The following CNTNAP2 variants were observed in gnomAD, a reference collection of about 807,000 sequenced individuals.
CNTNAP2 encodes contactin associated protein 2, also known as contactin-associated protein-like 2.
A neutral mutation model predicts 155.2 loss-of-function variants in CNTNAP2; 98 were observed. That is an observed-to-expected ratio of 0.63 (90% CI 0.54 to 0.75). The LOEUF is 0.75. Ranked by LOEUF, CNTNAP2 falls within the 30% of genes least tolerant of loss-of-function variation. The probability of loss-of-function intolerance (pLI) is 0.00; values close to 1 mark genes in which losing one functional copy is unlikely to be tolerated. For synonymous variants in CNTNAP2, 651 were observed against 631.2 expected (o/e 1.03, Z -0.47); for missense variants, 1,727 against 1,688.1 (o/e 1.02, Z -0.40).
intron 13 of CNTNAP2, among the ~76,000 whole-genome samples, chr7:147,783,082 C>G (rs1797682694): frequency 6.6e-6 from 1 of 152,090 alleles, no homozygotes; most frequent in East Asian, 1.9e-4. Flanking sequence ...AAGCCTTTTT[C>G]AAATGAAATA....
intron 9 of CNTNAP2, among the ~76,000 whole-genome samples, chr7:147,350,889 T>C (rs1364922412): frequency 6.6e-6 from 1 of 151,892 alleles, no homozygotes; most frequent in Non-Finnish European, 1.5e-5. Context: ...AAATTGACCT[T>C]ATTGACCAAT....
chr7:146,574,530 G>A (rs114221632), intron 1 of CNTNAP2, among the ~76,000 whole-genome samples: 1,625 of 152,156 alleles, frequency 0.011, 23 homozygotes, highest in African/African-American at 0.037. Flanking sequence ...GTGAGACTCC[G>A]TCTCTACTAA....
intron 16 of CNTNAP2, among the ~76,000 whole-genome samples, chr7:148,141,033 C>T (rs75968006): frequency 1.3e-5 from 2 of 152,168 alleles, no homozygotes; most frequent in African/African-American, 2.4e-5. Flanking sequence ...GGACCACTTG[C>T]GTCAGAATCA....
At chr7:147,930,694 G>A (rs1424230746) in intron 14 of CNTNAP2, among the ~76,000 whole-genome samples, 3 of 152,084 alleles carry the variant, frequency 2.0e-5, no homozygotes, top group Non-Finnish European at 4.4e-5. Flanking sequence ...AGACCAAGTG[G>A]ACCTAACGGA....
chr7:146,370,174 C>G (rs1477082462), intron 1 of CNTNAP2, among the ~76,000 whole-genome samples: 1 of 145,326 alleles, frequency 6.9e-6, no homozygotes, highest in Non-Finnish European at 1.5e-5. Flanking sequence ...AATCCCAGCA[C>G]TTTTTGGGAG....
chr7:148,100,932 A>G (rs1349821271), intron 15 of CNTNAP2, among the ~76,000 whole-genome samples: 1 of 152,124 alleles, frequency 6.6e-6, no homozygotes, highest in Non-Finnish European at 1.5e-5. Context: ...CATATACACC[A>G]TGGAATACTA....
intron 1 of CNTNAP2, among the ~76,000 whole-genome samples, chr7:146,386,458 G>A (rs1004703266): frequency 3.3e-5 from 5 of 152,072 alleles, no homozygotes; most frequent in Non-Finnish European, 5.9e-5. Context: ...GCATGATCTT[G>A]GCTCACTGAA....
At chr7:148,141,916 T>C (rs1025651189) in intron 16 of CNTNAP2, among the ~76,000 whole-genome samples, 1 of 152,156 alleles carries the variant, frequency 6.6e-6, no homozygotes, top group African/African-American at 2.4e-5. Flanking sequence ...AAGTCCTATG[T>C]GGTGGAATTA....
chr7:147,426,280 C>G (rs1260494371), intron 10 of CNTNAP2, among the ~76,000 whole-genome samples: 1 of 151,560 alleles, frequency 6.6e-6, no homozygotes, highest in Non-Finnish European at 1.5e-5. Flanking sequence ...TTTTACCTTA[C>G]TCAGTTGTGA....
chr7:147,484,150 C>T (rs1282111240), intron 10 of CNTNAP2, among the ~76,000 whole-genome samples: 2 of 152,148 alleles, frequency 1.3e-5, no homozygotes, highest in Non-Finnish European at 2.9e-5. Context: ...CCCACCTCCA[C>T]TCAAATTTGG....
intron 1 of CNTNAP2, among the ~76,000 whole-genome samples, chr7:146,396,298 C>A (rs2129107336): frequency 6.6e-6 from 1 of 152,088 alleles, no homozygotes; most frequent in East Asian, 1.9e-4. Context: ...AACTTGCATA[C>A]TTCATTTTTC....
chr7:147,938,962 C>T (rs1323453126), intron 14 of CNTNAP2, among the ~76,000 whole-genome samples: 1 of 152,148 alleles, frequency 6.6e-6, no homozygotes, highest in East Asian at 1.9e-4. Context: ...CTTTTATTCA[C>T]AGCTTTCAAT....
At chr7:146,755,439 A>G (rs1801979468) in intron 1 of CNTNAP2, among the ~76,000 whole-genome samples, 1 of 152,034 alleles carries the variant, frequency 6.6e-6, no homozygotes, top group African/African-American at 2.4e-5. Context: ...AAGATATTAG[A>G]AAACTCAAAT....
At chr7:147,734,930 G>A in intron 13 of CNTNAP2, among the ~76,000 whole-genome samples, 1 of 151,326 alleles carries the variant, frequency 6.6e-6, no homozygotes. Context: ...AGTCTTGCTA[G>A]CGGTCTATCA....
intron 1 of CNTNAP2, among the ~76,000 whole-genome samples, chr7:146,265,448 T>C (rs1316707267): frequency 2.2e-5 from 3 of 137,178 alleles, no homozygotes; most frequent in African/African-American, 1.1e-4. Context: ...TCTTTTTTTT[T>C]CTTTCTTTCT....
intron 1 of CNTNAP2, among the ~76,000 whole-genome samples, chr7:146,388,268 A>G (rs934754648): frequency 6.6e-6 from 1 of 151,742 alleles, no homozygotes; most frequent in African/African-American, 2.4e-5. Context: ...CTGTTTCTAC[A>G]AAAAGAAATG....
intron 1 of CNTNAP2, among the ~76,000 whole-genome samples, chr7:146,464,924 C>A (rs1796693497): frequency 6.6e-6 from 1 of 152,078 alleles, no homozygotes; most frequent in Non-Finnish European, 1.5e-5. Flanking sequence ...GTGCTTGGAC[C>A]CCATCAACTT....
At chr7:146,493,420 GA>G (rs1474558059) in intron 1 of CNTNAP2, among the ~76,000 whole-genome samples, 1 of 152,014 alleles carries the variant, frequency 6.6e-6, no homozygotes, top group Non-Finnish European at 1.5e-5. Context: ...TAAAAATTTT[GA>G]AAACAAAATT....
intron 8 of CNTNAP2, among the ~76,000 whole-genome samples, chr7:147,187,070 G>C: frequency 1.1e-5 from 1 of 93,842 alleles, no homozygotes; most frequent in Non-Finnish European, 3.0e-5. Flanking sequence ...GGCATATAAG[G>C]AGGATTGCTT....
Sources: gnomAD v4.1 joint callset for allele counts (sites outside exome capture counted in the v4.1 genomes callset) on GRCh38, gnomAD v4.1.1 for gene constraint, MANE v1.5 for transcripts, NCBI Gene and HGNC (gene_info 2026-07-23, HGNC 2026-07-21) for gene names.